AKAP12: variants seen among roughly 807,000 people sequenced by gnomAD.
AKAP12 encodes A-kinase anchoring protein 12, also known as A-kinase anchor protein 12.
In AKAP12, 32 loss-of-function variants were observed where a neutral mutation model predicts 79.9. That is an observed-to-expected ratio of 0.40 (90% CI 0.30 to 0.54). The LOEUF (loss-of-function observed/expected upper bound fraction) is 0.54, where lower values mean the gene tolerates loss of function less well. AKAP12 is among the 20% of genes least tolerant of loss of function. The pLI, the probability that AKAP12 is intolerant of heterozygous loss-of-function variation, is 0.48. For synonymous variants in AKAP12, 808 were observed against 857.0 expected (o/e 0.94, Z 1.00); for missense variants, 2,074 against 2,177.0 (o/e 0.95, Z 0.94).
At chr6:151,324,412 G>C (rs1379509355) in intron 3 of AKAP12, 5 of 985,338 alleles carry the variant, frequency 5.1e-6, no homozygotes, top group Non-Finnish European at 6.0e-6. Flanking sequence ...GTGGTGCATC[G>C]CGCCCCCTGG....
chr6:151,310,179 A>G (rs1777061811), intron 3 of AKAP12, among the ~76,000 whole-genome samples: 1 of 152,008 alleles, frequency 6.6e-6, no homozygotes, highest in Non-Finnish European at 1.5e-5. Flanking sequence ...CCTGGCCAAC[A>G]TGGTGAAACC....
At chr6:151,270,539 TG>T (rs1776160681) in intron 2 of AKAP12, among the ~76,000 whole-genome samples, 1 of 152,242 alleles carries the variant, frequency 6.6e-6, no homozygotes. Context: ...TCATTTCTCT[TG>T]GGTATTTATC....
intron 2 of AKAP12, among the ~76,000 whole-genome samples, chr6:151,270,654 T>G (rs1776162860): frequency 6.6e-6 from 1 of 152,246 alleles, no homozygotes; most frequent in East Asian, 1.9e-4. Context: ...CAGCAGTGTT[T>G]GAGGGTTCCA....
intron 3 of AKAP12, among the ~76,000 whole-genome samples, chr6:151,314,501 C>G (rs1032551314): frequency 6.6e-6 from 1 of 152,188 alleles, no homozygotes; most frequent in African/African-American, 2.4e-5. Context: ...CTCATCCCCC[C>G]ATATGTGTTC....
At chr6:151,333,146 A>T (rs1363450618) in intron 3 of AKAP12, among the ~76,000 whole-genome samples, 2 of 152,156 alleles carry the variant, frequency 1.3e-5, no homozygotes, top group African/African-American at 2.4e-5. Context: ...GGAGTTTTGA[A>T]TTAAAAGAAG....
intron 2 of AKAP12, among the ~76,000 whole-genome samples, chr6:151,275,464 C>T (rs1030788887): frequency 6.6e-6 from 1 of 152,050 alleles, no homozygotes; most frequent in Non-Finnish European, 1.5e-5. Flanking sequence ...TTATGAAAAA[C>T]AAATCTACCC....
At position 151,303,129 on chromosome 6, in the gene AKAP12, G is replaced by A. The variant is rs139476921; in HGVS notation, c.163-2618G>A. On this transcript the variant is annotated intron_variant, in intron 2 of 4. Transcript: ENST00000402676. ...AATCACTTGAACCCAAAAGGCGGAT[G>A]TTGCAGTGAGCCAAGATCATGCCAT... Among the ~76,000 whole-genome samples, 341 of 152,302 alleles carry A rather than the reference G, an allele frequency of 2.2e-3. 1 individual carries two copies. Among genetic ancestry groups the A allele is most frequent in the African/African-American group, 8.0e-3 (333 of 41,562 alleles).
At position 151,350,588 on chromosome 6, in the gene AKAP12, C is replaced by G; in HGVS notation, c.2197C>G (p.Gln733Glu). The G allele has an allele frequency of 6.2e-7, 1 of 1,614,024 alleles. No homozygotes were observed. Among genetic ancestry groups the G allele is most frequent in the South Asian group, 1.1e-5 (1 of 91,054 alleles). The change falls in exon 4 of 5, where the codon CAA (glutamine) becomes GAA (glutamate). Residue 733 changes from glutamine (Q) to glutamate (E), a missense_variant. Physicochemically the swap from Gln to Glu is conservative, Grantham distance 29 (BLOSUM62 2). This residue lies in a region of AKAP12 where 1,428 missense variants were observed against 1,451.0 expected (regional missense o/e 0.98). Coordinates refer to ENST00000402676, the MANE Select transcript of AKAP12 (RefSeq NM_005100.4). This position sits in a 1 kb window ranked among gnomAD's most constrained non-coding sequence, Gnocchi z 4.8. ...GACAGACGGGATCCTTGCTGGTTCC[C>G]AAGAACATGATCCAGGGCAGGGAAG... is the stretch of plus-strand genomic sequence containing the variant. ...TGTDGILAGS[Q>E]EHDPGQGSSS...
chr6:151,326,644 A>G (rs991250014), intron 3 of AKAP12, among the ~76,000 whole-genome samples: 9 of 152,146 alleles, frequency 5.9e-5, no homozygotes, highest in African/African-American at 1.9e-4. Context: ...CAGCTCCTCT[A>G]ACTTGACATT....
At chr6:151,325,359 A>G (rs1419206416) in intron 3 of AKAP12, 2 of 985,344 alleles carry the variant, frequency 2.0e-6, no homozygotes, top group East Asian at 2.3e-4. Context: ...CAGAAGTATT[A>G]GTAAATCGGT....
chr6:151,318,338 T>G (rs1294850929), intron 3 of AKAP12, among the ~76,000 whole-genome samples: 1 of 152,212 alleles, frequency 6.6e-6, no homozygotes, highest in Non-Finnish European at 1.5e-5. Context: ...GCAGCCCAAA[T>G]GGACTAGGAC....
chr6:151,269,542 C>T (rs1298234566), intron 2 of AKAP12, among the ~76,000 whole-genome samples: 1 of 135,096 alleles, frequency 7.4e-6, no homozygotes. Context: ...ACTCAAGAGG[C>T]ATTGTAGTTC....
intron 2 of AKAP12, among the ~76,000 whole-genome samples, chr6:151,246,931 A>G (rs1179767739): frequency 6.6e-6 from 1 of 151,992 alleles, no homozygotes; most frequent in African/African-American, 2.4e-5. Context: ...AGCTGGGACT[A>G]CAAGTGCACA....
intron 2 of AKAP12, among the ~76,000 whole-genome samples, chr6:151,273,906 G>C (rs1466296007): frequency 6.6e-6 from 1 of 152,022 alleles, no homozygotes; most frequent in African/African-American, 2.4e-5. Context: ...GCGTGCGCCT[G>C]TAATCCCAGC....
intron 3 of AKAP12, among the ~76,000 whole-genome samples, chr6:151,311,177 C>T (rs1015673432): frequency 3.3e-5 from 5 of 152,160 alleles, no homozygotes; most frequent in African/African-American, 1.2e-4. Context: ...GCCATGTTGC[C>T]CAGGCTGGTC....
chr6:151,334,698 G>T (rs1244812565), intron 3 of AKAP12, among the ~76,000 whole-genome samples: 3 of 151,118 alleles, frequency 2.0e-5, no homozygotes, highest in East Asian at 2.0e-4. Context: ...CTCGGCTCAC[G>T]GCAAGCTCCG....
chr6:151,285,686 T>C (rs1203425598), intron 2 of AKAP12, among the ~76,000 whole-genome samples: 1 of 151,556 alleles, frequency 6.6e-6, no homozygotes, highest in Non-Finnish European at 1.5e-5. Flanking sequence ...TTTGGGTGAG[T>C]TGTGGAGGGG....
intron 3 of AKAP12, chr6:151,324,581 A>T: frequency 1.0e-6 from 1 of 985,342 alleles, no homozygotes; most frequent in South Asian, 4.7e-5. Flanking sequence ...AATAATGAAC[A>T]AGATCTTCAT....
At chr6:151,286,951 T>C (rs548646421) in intron 2 of AKAP12, among the ~76,000 whole-genome samples, 1 of 152,186 alleles carries the variant, frequency 6.6e-6, no homozygotes, top group African/African-American at 2.4e-5. Flanking sequence ...TTCTTTTTTT[T>C]TTTTTGAGAC....
Sources: allele counts gnomAD v4.1 joint callset (sites outside exome capture counted in the v4.1 genomes callset), GRCh38; gene constraint gnomAD v4.1.1; regional missense constraint gnomAD v4.1.1; non-coding constraint Gnocchi (gnomAD v3.1); transcripts MANE v1.5; gene names NCBI Gene and HGNC (gene_info 2026-07-23, HGNC 2026-07-21).